Variants in ASIC2 observed in about 807,000 individuals in gnomAD.
The protein encoded by ASIC2 is acid-sensing ion channel 2.
ASIC2 carries 25 observed loss-of-function variants against 57.3 expected under a neutral mutation model. That is an observed-to-expected ratio of 0.44 (90% CI 0.32 to 0.61). The LOEUF is 0.61. ASIC2 is among the 20% of genes least tolerant of loss of function. The probability of loss-of-function intolerance (pLI) is 0.06; values close to 1 mark genes in which losing one functional copy is unlikely to be tolerated. For missense variants in ASIC2, 641 were observed against 738.1 expected (o/e 0.87, Z 1.52); for synonymous variants, 319 against 307.5 (o/e 1.04, Z -0.39).
intron 1 of ASIC2, among the ~76,000 whole-genome samples, chr17:33,921,140 G>A (rs186551326): frequency 1.3e-5 from 2 of 152,258 alleles, no homozygotes; most frequent in Admixed American, 1.3e-4. Context: ...CCCCACAGAG[G>A]GTTGAGGAGT....
At chr17:34,028,848 T>C (rs1308863077) in intron 1 of ASIC2, among the ~76,000 whole-genome samples, 2 of 152,220 alleles carry the variant, frequency 1.3e-5, no homozygotes, top group South Asian at 2.1e-4. Flanking sequence ...ATCTTTCTGG[T>C]TCCATCTCCT....
intron 3 of ASIC2, among the ~76,000 whole-genome samples, chr17:33,064,920 A>G (rs2092036783): frequency 1.3e-5 from 2 of 152,208 alleles, no homozygotes; most frequent in South Asian, 4.1e-4. Flanking sequence ...AAATGGAAAG[A>G]TGATATGTCC....
chr17:33,532,403 T>A (rs1915079804), intron 1 of ASIC2, among the ~76,000 whole-genome samples: 3 of 152,326 alleles, frequency 2.0e-5, no homozygotes, highest in South Asian at 2.1e-4. Flanking sequence ...GAAGTCTGCA[T>A]GTGTCAGCTC....
intron 1 of ASIC2, among the ~76,000 whole-genome samples, chr17:33,660,637 G>A (rs1907227977): frequency 6.6e-6 from 1 of 152,090 alleles, no homozygotes; most frequent in Non-Finnish European, 1.5e-5. Flanking sequence ...AATTGTATGT[G>A]CTGTGCTTTT....
At chr17:33,792,479 G>A (rs1464667809) in intron 1 of ASIC2, 1 of 152,170 alleles carries the variant, frequency 6.6e-6, no homozygotes, top group Non-Finnish European at 1.5e-5. Context: ...ATGATGATGA[G>A]TTTGCACCAG....
rs577911481 is a variant in ASIC2, at chr17:33,711,140, G to A, written c.555+444838C>T. On this transcript the variant is annotated intron_variant, in intron 1 of 9. Transcript: ENST00000359872. ...TGCTGGTTTGAACCCTTAGAGTGGC[G>A]TTGTGTTTGGGTAACACAATTTGAA... Among the ~76,000 whole-genome samples, 11 of 152,190 alleles carry A rather than the reference G, an allele frequency of 7.2e-5. No individual in the cohort carries two copies. The South Asian group carries it at 8.3e-4, about 11-fold the overall frequency.
At chr17:33,632,328 C>G (rs117838887) in intron 1 of ASIC2, among the ~76,000 whole-genome samples, 1 of 152,072 alleles carries the variant, frequency 6.6e-6, no homozygotes, top group South Asian at 2.1e-4. Flanking sequence ...ATAATAATAA[C>G]GCTTAAGATT....
intron 1 of ASIC2, among the ~76,000 whole-genome samples, chr17:33,818,618 C>A (rs888757020): frequency 6.6e-6 from 1 of 152,204 alleles, no homozygotes; most frequent in Admixed American, 6.5e-5. Flanking sequence ...GTGACACAGG[C>A]ATCTAATGGG....
intron 1 of ASIC2, among the ~76,000 whole-genome samples, chr17:33,114,187 A>G (rs549393055): frequency 6.6e-5 from 10 of 152,354 alleles, no homozygotes; most frequent in Admixed American, 2.0e-4. Flanking sequence ...GCTTCATGGC[A>G]GAGGAGAACA....
intron 2 of ASIC2, among the ~76,000 whole-genome samples, chr17:33,101,400 C>T (rs1216569720): frequency 6.6e-6 from 1 of 152,212 alleles, no homozygotes; most frequent in Admixed American, 6.5e-5. Context: ...TGCAAGGCTT[C>T]TAATGAAAAC....
chr17:33,720,141 A>C (rs1340467516), intron 1 of ASIC2, among the ~76,000 whole-genome samples: 1 of 152,186 alleles, frequency 6.6e-6, no homozygotes, highest in Non-Finnish European at 1.5e-5. Flanking sequence ...CAGCCTCCCA[A>C]AGCATTAGAA....
At chr17:33,653,614 C>T (rs1025995156) in intron 1 of ASIC2, among the ~76,000 whole-genome samples, 1 of 152,166 alleles carries the variant, frequency 6.6e-6, no homozygotes, top group African/African-American at 2.4e-5. Context: ...CCATCTCAGG[C>T]ATTTGGTATT....
At chr17:33,181,982 T>C (rs770496645) in intron 1 of ASIC2, among the ~76,000 whole-genome samples, 1 of 152,178 alleles carries the variant, frequency 6.6e-6, no homozygotes, top group Non-Finnish European at 1.5e-5. Context: ...GTGACTTTGA[T>C]GTTTAATTCA....
chr17:33,922,528 G>A (rs1167381068), intron 1 of ASIC2, among the ~76,000 whole-genome samples: 2 of 152,182 alleles, frequency 1.3e-5, no homozygotes, highest in African/African-American at 4.8e-5. Context: ...AGGAGCGAAC[G>A]TTCTAATTCT....
intron 1 of ASIC2, among the ~76,000 whole-genome samples, chr17:34,018,322 CA>C (rs1432951596): frequency 6.6e-6 from 1 of 152,168 alleles, no homozygotes; most frequent in African/African-American, 2.4e-5. Flanking sequence ...TGCACAAAAA[CA>C]AATATTCCTG....
At chr17:33,315,510 C>T (rs1906608616) in intron 1 of ASIC2, among the ~76,000 whole-genome samples, 1 of 152,188 alleles carries the variant, frequency 6.6e-6, no homozygotes, top group Non-Finnish European at 1.5e-5. Context: ...TGGGAAAGTA[C>T]ATATCGTGAT....
intron 1 of ASIC2, among the ~76,000 whole-genome samples, chr17:33,968,172 G>A (rs1471022704): frequency 6.6e-6 from 1 of 152,058 alleles, no homozygotes; most frequent in Non-Finnish European, 1.5e-5. Flanking sequence ...AGAGCGAGTG[G>A]CATTTCCTGT....
chr17:33,642,224 A>G (rs1321397768), intron 1 of ASIC2, among the ~76,000 whole-genome samples: 1 of 127,732 alleles, frequency 7.8e-6, no homozygotes, highest in Non-Finnish European at 1.8e-5. Context: ...CCCCCCCCAC[A>G]CACAATGGTT....
At chr17:33,732,094 GATTCAGCA>G (rs1909760872) in intron 1 of ASIC2, among the ~76,000 whole-genome samples, 2 of 152,282 alleles carry the variant, frequency 1.3e-5, no homozygotes, top group East Asian at 3.9e-4. Flanking sequence ...ACATATCTTT[GATTCAGCA>G]ATTCCACTTC....
Sources: allele counts gnomAD v4.1 joint callset (sites outside exome capture counted in the v4.1 genomes callset), GRCh38; gene constraint gnomAD v4.1.1; transcripts MANE v1.5; gene names NCBI Gene and HGNC (gene_info 2026-07-23, HGNC 2026-07-21).